Variants in ADAMTS6 observed in about 807,000 individuals in gnomAD.
ADAMTS6 encodes ADAM metallopeptidase with thrombospondin type 1 motif 6, also known as A disintegrin and metalloproteinase with thrombospondin motifs 6.
Under a neutral mutation model 144.3 loss-of-function variants are expected in ADAMTS6, and 23 were observed. That is an observed-to-expected ratio of 0.16 (90% CI 0.11 to 0.23). The LOEUF (loss-of-function observed/expected upper bound fraction) is 0.23. Among genes scored for constraint, ADAMTS6 ranks in the 10% least tolerant of loss-of-function variants. The pLI is 1.00. For synonymous variants in ADAMTS6, 444 were observed against 457.5 expected (o/e 0.97, Z 0.38); for missense variants, 999 against 1,379.6 (o/e 0.72, Z 4.37).
intron 7 of ADAMTS6, among the ~76,000 whole-genome samples, chr5:65,363,194 C>T (rs1413873647): frequency 1.3e-5 from 2 of 152,092 alleles, no homozygotes; most frequent in Admixed American, 1.3e-4. Context: ...AATAAAATAG[C>T]TAATACTCAA....
At chr5:65,351,201 A>G (rs574930217) in intron 7 of ADAMTS6, among the ~76,000 whole-genome samples, 59 of 152,290 alleles carry the variant, frequency 3.9e-4, no homozygotes, top group African/African-American at 1.3e-3. Context: ...TATCTACAAG[A>G]GGTGTTTAAG....
chr5:65,287,079 A>G (rs1055323246), intron 11 of ADAMTS6, among the ~76,000 whole-genome samples: 1 of 152,222 alleles, frequency 6.6e-6, no homozygotes. Flanking sequence ...TTAGAAACCT[A>G]CAACAGAGCT....
chr5:65,223,580 C>T (rs1757484976), intron 18 of ADAMTS6, among the ~76,000 whole-genome samples: 1 of 152,096 alleles, frequency 6.6e-6, no homozygotes, highest in African/African-American at 2.4e-5. Context: ...CTGTGTCTGG[C>T]TTATTTAGCT....
chr5:65,252,660 CAG>C (rs1218760925), intron 14 of ADAMTS6, among the ~76,000 whole-genome samples: 2 of 151,576 alleles, frequency 1.3e-5, no homozygotes, highest in Non-Finnish European at 2.9e-5. Context: ...CAACTCTAAC[CAG>C]AGAGTTATAA....
intron 2 of ADAMTS6, 95 bp downstream of exon 2, chr5:65,473,482 C>A: frequency 9.1e-7 from 1 of 1,093,238 alleles, no homozygotes; most frequent in South Asian, 1.4e-5. Context: ...CTACATATCC[C>A]AAAAAAAACT....
intron 15 of ADAMTS6, among the ~76,000 whole-genome samples, chr5:65,238,028 G>A (rs1356174285): frequency 1.3e-5 from 2 of 151,890 alleles, no homozygotes; most frequent in Admixed American, 1.3e-4. Context: ...TGAGGCTGCA[G>A]TGTGCTGTGA....
intron 7 of ADAMTS6, among the ~76,000 whole-genome samples, chr5:65,407,404 T>C (rs1266299420): frequency 6.6e-6 from 1 of 151,634 alleles, no homozygotes; most frequent in Non-Finnish European, 1.5e-5. Flanking sequence ...TCGTTACATA[T>C]GTATACATGT....
intron 3 of ADAMTS6, among the ~76,000 whole-genome samples, chr5:65,467,774 G>T (rs542887991): frequency 6.6e-6 from 1 of 152,214 alleles, no homozygotes; most frequent in Non-Finnish European, 1.5e-5. Context: ...GGTAATTTTT[G>T]AAGATATTCT....
intron 15 of ADAMTS6, among the ~76,000 whole-genome samples, chr5:65,231,880 T>C (rs1051762552): frequency 6.6e-6 from 1 of 151,930 alleles, no homozygotes; most frequent in African/African-American, 2.4e-5. Context: ...GAGGCTGAGG[T>C]AGGTGGATCA....
intron 14 of ADAMTS6, among the ~76,000 whole-genome samples, chr5:65,249,613 C>CT (rs1473078894): frequency 1.3e-5 from 2 of 152,114 alleles, no homozygotes; most frequent in African/African-American, 4.8e-5. Flanking sequence ...CTTTTTCTGC[C>CT]TTATGCCCCT....
rs1291811689 is a variant in ADAMTS6, at chr5:65,214,903, A to T, written c.2466T>A (p.Ile822=). 6.2e-7 allele frequency: 1 copy of T among 1,613,930 alleles called. No homozygotes were observed. Among genetic ancestry groups the T allele is most frequent in the East Asian group, 2.2e-5 (1 of 44,870 alleles). Residue 822 remains isoleucine, a synonymous_variant, in exon 20 of 25, where the codon ATT becomes ATA. Transcript: ENST00000381055. The surrounding 1 kb of genome is among the most constrained non-coding windows in gnomAD (Gnocchi z 4.6). ...MVLLQEQNLG[I]RYKFNVPITR... is the part of the protein sequence containing the mutation. ...TGATGGGAACATTGAACTTATACCTAATTCCCAAATTCTGTTCTTGAAGCA... is the reference window on the plus strand; with the variant it reads ...TGATGGGAACATTGAACTTATACCTTATTCCCAAATTCTGTTCTTGAAGCA...
At position 65,379,953 on chromosome 5, in the gene ADAMTS6, T is replaced by C. The variant is rs112295951; in HGVS notation, c.1074-45868A>G. On this transcript the variant is annotated intron_variant, in intron 7 of 24. Coordinates refer to ENST00000381055, the MANE Select transcript of ADAMTS6 (RefSeq NM_197941.4). ...TTATTTCTCGAATTCCTAATAGATA[T>C]ACATTATACTATTTAACAGTGTGCT... Among the ~76,000 whole-genome samples, 513 of 152,238 alleles carry C rather than the reference T, an allele frequency of 3.4e-3. 6 individuals are homozygous for C. Among genetic ancestry groups the C allele is most frequent in the African/African-American group, 0.011 (447 of 41,532 alleles).
chr5:65,212,979 A>G (rs1314158607), intron 20 of ADAMTS6, among the ~76,000 whole-genome samples: 4 of 152,236 alleles, frequency 2.6e-5, no homozygotes, highest in Admixed American at 2.0e-4. Flanking sequence ...GGAAAAGTTA[A>G]TTTATAGAAT....
intron 11 of ADAMTS6, among the ~76,000 whole-genome samples, chr5:65,281,583 C>T (rs1675991754): frequency 6.6e-6 from 1 of 151,950 alleles, no homozygotes. Flanking sequence ...TTCCAAGAAA[C>T]AAGACATTTA....
chr5:65,317,269 T>C (rs1345243440), intron 9 of ADAMTS6, among the ~76,000 whole-genome samples: 1 of 152,140 alleles, frequency 6.6e-6, no homozygotes, highest in Non-Finnish European at 1.5e-5. Flanking sequence ...AAAGGTATAA[T>C]ACCAAACACT....
At chr5:65,257,211 AATATCC>A (rs1240669851) in intron 14 of ADAMTS6, among the ~76,000 whole-genome samples, 3 of 151,892 alleles carry the variant, frequency 2.0e-5, no homozygotes, top group Non-Finnish European at 4.4e-5. Context: ...GAGTGACTTT[AATATCC>A]ATATGTTAAA....
chr5:65,175,364 AAG>A (rs1184477146), intron 22 of ADAMTS6, among the ~76,000 whole-genome samples: 4 of 150,632 alleles, frequency 2.7e-5, no homozygotes, highest in African/African-American at 9.8e-5. Context: ...GAGAGAAAGA[AAG>A]AGAGAAAGAG....
At chr5:65,223,729 G>A (rs1407242628) in intron 18 of ADAMTS6, among the ~76,000 whole-genome samples, 1 of 150,898 alleles carries the variant, frequency 6.6e-6, no homozygotes, top group Admixed American at 6.6e-5. Context: ...CGTTTATGTT[G>A]TTTCTATATC....
intron 22 of ADAMTS6, among the ~76,000 whole-genome samples, chr5:65,179,000 C>T (rs1216502631): frequency 6.6e-6 from 1 of 151,748 alleles, no homozygotes; most frequent in Non-Finnish European, 1.5e-5. Context: ...TGTACGTGGA[C>T]GGGAGCTTCG....
Sources: allele counts gnomAD v4.1 joint callset (sites outside exome capture counted in the v4.1 genomes callset), GRCh38; gene constraint gnomAD v4.1.1; non-coding constraint Gnocchi (gnomAD v3.1); transcripts MANE v1.5; gene names NCBI Gene and HGNC (gene_info 2026-07-23, HGNC 2026-07-21).